Variants in GPC3 observed in about 807,000 individuals in gnomAD.
GPC3 encodes glypican-3.
In GPC3, 3 loss-of-function variants were observed where a neutral mutation model predicts 34.4. That is an observed-to-expected ratio of 0.09 (90% confidence interval 0.04 to 0.23). The LOEUF is 0.23. Among genes scored for constraint, GPC3 ranks in the 10% least tolerant of loss-of-function variants. GPC3 has a pLI of 1.00. For missense variants in GPC3, 351 were observed against 445.6 expected, an observed-to-expected ratio of 0.79 and a Z score of 1.91; for synonymous variants, 177 against 174.0, an observed-to-expected ratio of 1.02 and a Z score of -0.13.
chrX:133,574,451 G>A (rs1307091940), intron 7 of GPC3, among the ~76,000 whole-genome samples: 1 of 112,007 alleles, frequency 8.9e-6, no homozygotes, highest in Non-Finnish European at 1.9e-5. Flanking sequence ...ATAAAGGGGA[G>A]ATTATAAATT....
chrX:133,855,269 C>CA (rs2075894702), intron 2 of GPC3, among the ~76,000 whole-genome samples: 2 of 110,153 alleles, frequency 1.8e-5, no homozygotes, highest in Admixed American at 1.9e-4. Flanking sequence ...CTGAAGTGAT[C>CA]CTCTTGTTTC....
rs761780146 is a variant in GPC3 at position 133,803,139 on chromosome X, G to C, written c.338-48963C>G. Among the ~76,000 whole-genome samples, 9 of 110,831 alleles carry C rather than the reference G, an allele frequency of 8.1e-5. No homozygotes were observed. The South Asian group carries it at 1.2e-3, about 14-fold the overall frequency. On this transcript the variant is annotated intron_variant, in intron 2 of 7. Coordinates refer to ENST00000370818, the MANE Select transcript of GPC3 (RefSeq NM_004484.4). Reference sequence around the variant, plus strand: ...ACGGGGTTTCACCATGTTGGTCAGGGTGGTCTTGAACTCCTGACCTCGTGA... The same window carrying C: ...ACGGGGTTTCACCATGTTGGTCAGGCTGGTCTTGAACTCCTGACCTCGTGA...
rs1044598881 is a variant in GPC3, at chrX:133,897,068, A to G, written c.337+55982T>C. Among the ~76,000 whole-genome samples the G allele has an allele frequency of 4.9e-4, 53 of 109,142 alleles. 1 individual carries two copies. The highest frequency in any genetic ancestry group is 8.2e-4 in the South Asian group (2 of 2,439). 94.8% of individuals were successfully genotyped at this position (109,142 alleles called of 115,157 possible). A position where few individuals can be genotyped will look rare whatever the true frequency, so the allele number is the denominator to read the frequency against. On this transcript the variant is annotated intron_variant, in intron 2 of 7. Coordinates refer to ENST00000370818, the MANE Select transcript of GPC3 (RefSeq NM_004484.4). ...ACTACAGGCGCCCACAACCACGCCC[A>G]GCTAATTTTTTGTATTTTTAGTAGA...
intron 6 of GPC3, among the ~76,000 whole-genome samples, chrX:133,615,004 A>T (rs2070146845): frequency 8.9e-6 from 1 of 112,170 alleles, no homozygotes; most frequent in Admixed American, 9.5e-5. Context: ...TCAAGAAAAA[A>T]CAGAAAATCT....
At chrX:133,564,357 G>A (rs185440076) in intron 7 of GPC3, among the ~76,000 whole-genome samples, 2 of 111,491 alleles carry the variant, frequency 1.8e-5, no homozygotes, top group Non-Finnish European at 3.8e-5. Flanking sequence ...TCAGTACCCA[G>A]TCCTCCCAAC....
At chrX:133,681,140 C>A (rs1046480263) in intron 5 of GPC3, among the ~76,000 whole-genome samples, 1 of 111,534 alleles carries the variant, frequency 9.0e-6, no homozygotes, top group East Asian at 2.8e-4. Context: ...TAATAGCTAC[C>A]ATTTTTGAGA....
intron 3 of GPC3, among the ~76,000 whole-genome samples, chrX:133,745,811 C>T (rs2071606599): frequency 8.9e-6 from 1 of 112,434 alleles, no homozygotes. Context: ...AGACAATTCT[C>T]CATGGATCTC....
chrX:133,875,140 G>A (rs1245670298), intron 2 of GPC3, among the ~76,000 whole-genome samples: 2 of 111,676 alleles, frequency 1.8e-5, no homozygotes, highest in East Asian at 2.8e-4. Flanking sequence ...TCACAAAGCT[G>A]GTTAGCTTGA....
At position 133,578,798 on chromosome X, in the gene GPC3, G is replaced by A. The variant is rs1048974014; in HGVS notation, c.1573+17642C>T. ...AATCTTTTGGTGGTGTTTCCCTGTA[G>A]TGCTATGTTCAGAAGGATTAGGATG... On this transcript the variant is annotated intron_variant, in intron 7 of 7. Transcript: ENST00000370818. Among the ~76,000 whole-genome samples the A allele has an allele frequency of 8.1e-5, 9 of 111,293 alleles. No homozygotes were observed. The Admixed American group carries it at 8.6e-4, about 11-fold the overall frequency.
chrX:133,753,982 T>C lies in GPC3; in HGVS notation c.532A>G (p.Ile178Val). 3 of 1,211,157 alleles carry C rather than the reference T, an allele frequency of 2.5e-6. No homozygotes were observed. Among genetic ancestry groups the C allele is most frequent in the Non-Finnish European group, 3.4e-6 (3 of 895,053 alleles). ...NELFDSLFPV[I>V]YTQLMNPGLP... Reference sequence around the variant, plus strand: ...CCTGGGTTCATTAGCTGGGTATAGATGACTGGAAACAGGCTGTCAAACAAT... The same window carrying C: ...CCTGGGTTCATTAGCTGGGTATAGACGACTGGAAACAGGCTGTCAAACAAT... Residue 178 changes from isoleucine to valine, a missense_variant, in exon 3 of 8, where the codon ATC becomes GTC. Transcript: ENST00000370818.
At chrX:133,896,225 G>A (rs2076112174) in intron 2 of GPC3, among the ~76,000 whole-genome samples, 2 of 111,500 alleles carry the variant, frequency 1.8e-5, no homozygotes, top group Admixed American at 9.5e-5. Context: ...GCCAGGCATG[G>A]CGGCACACGC....
chrX:133,873,891 G>C (rs1262577327), intron 2 of GPC3, among the ~76,000 whole-genome samples: 1 of 111,387 alleles, frequency 9.0e-6, no homozygotes, highest in Non-Finnish European at 1.9e-5. Flanking sequence ...ACCAAAACAG[G>C]GTTCAATGTG....
Position 133,655,733 on chromosome X carries a change from ACT to A in GPC3, c.1413+5995_1413+5996del, listed in dbSNP as rs771125134. On this transcript the variant is annotated intron_variant, in intron 6 of 7. Coordinates refer to ENST00000370818, the MANE Select transcript of GPC3 (RefSeq NM_004484.4). ...CACTGCACTAGGCCAGTGTTTTACA[ACT>A]CTCACTGGTGTTATTGTGAGAAGAC... is the stretch of plus-strand genomic sequence containing the variant. Among the ~76,000 whole-genome samples the A allele has an allele frequency of 6.4e-3, 716 of 111,485 alleles. 5 individuals are homozygous for A. Among genetic ancestry groups the A allele is most frequent in the African/African-American group, 0.023 (695 of 30,697 alleles).
At chrX:133,537,061 C>T (rs1475610214) in intron 7 of GPC3, among the ~76,000 whole-genome samples, 1 of 111,635 alleles carries the variant, frequency 9.0e-6, no homozygotes, top group Admixed American at 9.6e-5. Context: ...GTTCATGATT[C>T]TGAAAAGAAA....
intron 3 of GPC3, among the ~76,000 whole-genome samples, chrX:133,729,242 T>C (rs770898213): frequency 1.8e-5 from 2 of 111,422 alleles, no homozygotes; most frequent in African/African-American, 6.5e-5. Context: ...AGAACATGTA[T>C]CTGGGCCATC....
At chrX:133,980,898 C>T (rs1435718483) in intron 1 of GPC3, among the ~76,000 whole-genome samples, 2 of 112,133 alleles carry the variant, frequency 1.8e-5, no homozygotes, top group Non-Finnish European at 3.8e-5. Flanking sequence ...GCAAACATTG[C>T]AACTCTAAAG....
rs2075864503 is a variant in GPC3, at chrX:133,849,899, G to A, written c.338-95723C>T. Among the ~76,000 whole-genome samples the A allele has an allele frequency of 4.5e-5, 5 of 111,888 alleles. No individual in the cohort carries two copies. The Admixed American group carries it at 4.8e-4, about 11-fold the overall frequency. On this transcript the variant is annotated intron_variant, in intron 2 of 7. Transcript: ENST00000370818. The stretch of plus-strand genomic sequence containing the variant: ...CATCTCTGGATCCCTCTGACTCCAA[G>A]GAAACTGCCTGAGTGCTAATGTTTA...
At chrX:133,903,243 A>G (rs909261687) in intron 2 of GPC3, among the ~76,000 whole-genome samples, 1 of 111,121 alleles carries the variant, frequency 9.0e-6, no homozygotes, top group Non-Finnish European at 1.9e-5. Context: ...CTGTTTTCCA[A>G]TTGTTTGCTC....
At position 133,969,215 on chromosome X, in the gene GPC3, C is replaced by G. The variant is rs1030809440; in HGVS notation, c.176-16004G>C. Among the ~76,000 whole-genome samples the G allele has an allele frequency of 3.1e-4, 34 of 111,134 alleles. 1 individual carries two copies. The highest frequency in any genetic ancestry group is 1.0e-3 in the African/African-American group (32 of 30,488). On this transcript the variant is annotated intron_variant, in intron 1 of 7. Coordinates refer to ENST00000370818, the MANE Select transcript of GPC3 (RefSeq NM_004484.4). ...GATTACTAGATTTTTAGGGTCTTTA[C>G]TATAAAGAGAGCAACCTGCATGCCT...
Sources: allele counts gnomAD v4.1 joint callset (sites outside exome capture counted in the v4.1 genomes callset), GRCh38; gene constraint gnomAD v4.1.1; transcripts MANE v1.5; gene names NCBI Gene and HGNC (gene_info 2026-07-23, HGNC 2026-07-21).